Variants in PDS5A observed in about 807,000 individuals in gnomAD.
The protein encoded by PDS5A is PDS5 cohesin associated factor A.
In PDS5A, 42 loss-of-function variants were observed where a neutral mutation model predicts 167.1. The ratio of observed to expected loss-of-function variants is 0.25; its 90% CI spans 0.20 to 0.33. PDS5A has a LOEUF of 0.33. Among genes scored for constraint, PDS5A ranks in the 10% least tolerant of loss-of-function variants. The pLI, the probability that PDS5A is intolerant of heterozygous loss-of-function variation, is 1.00. For synonymous variants in PDS5A, 553 were observed against 554.6 expected (o/e 1.00, Z 0.04); for missense variants, 1,033 against 1,605.9 (o/e 0.64, Z 6.10).
chr4:39,890,210 T>G, intron 17 of PDS5A, 39 bp downstream of exon 17: 1 of 1,074,960 alleles, frequency 9.3e-7, no homozygotes. Flanking sequence ...TCGTTGCAGA[T>G]TATTATTTAT....
At chr4:39,890,673 G>A (rs577149552) in intron 16 of PDS5A, among the ~76,000 whole-genome samples, 2 of 152,262 alleles carry the variant, frequency 1.3e-5, no homozygotes, top group Non-Finnish European at 2.9e-5. Context: ...CTACAGTGCA[G>A]TGGCACGATC....
intron 2 of PDS5A, among the ~76,000 whole-genome samples, chr4:39,958,843 A>T (rs539119014): frequency 6.6e-6 from 1 of 152,248 alleles, no homozygotes; most frequent in African/African-American, 2.4e-5. Context: ...TCCTGGCCTC[A>T]AGTGATCCAC....
At position 39,869,383 on chromosome 4, in the gene PDS5A, A is replaced by G. The variant is rs1719826964; in HGVS notation, c.2505+11T>C. 1.3e-6 allele frequency: 2 copies of G among 1,541,920 alleles called. No homozygotes were observed. The highest frequency in any genetic ancestry group is 2.7e-5 in the African/African-American group (2 of 73,364). On this transcript the variant is annotated intron_variant, in intron 22 of 32. Transcript: ENST00000303538. The stretch of plus-strand genomic sequence containing the variant: ...TAAACATGAAGATTATCAAGGCCTA[A>G]ACAAATTTACCTTTGCTAGTACTTC...
At chr4:39,930,246 A>AAAAAAAAAAAAATTTTT in intron 2 of PDS5A, among the ~76,000 whole-genome samples, 5 of 93,164 alleles carry the variant, frequency 5.4e-5, no homozygotes, top group East Asian at 4.9e-4. Context: ...AAAAAAAAAA[A>AAAAAAAAAAAAATTTTT]GTTTTTTTGT....
At chr4:39,885,319 A>AT (rs1244691038) in intron 17 of PDS5A, among the ~76,000 whole-genome samples, 1 of 147,016 alleles carries the variant, frequency 6.8e-6, no homozygotes, top group Non-Finnish European at 1.5e-5. Context: ...GAGAAAAAAA[A>AT]CTTCGGCATG....
chr4:39,943,677 C>T (rs997886146), intron 2 of PDS5A, among the ~76,000 whole-genome samples: 8 of 150,812 alleles, frequency 5.3e-5, no homozygotes, highest in African/African-American at 1.7e-4. Flanking sequence ...TGTGGTGGTG[C>T]GCACTTGTAA....
intron 8 of PDS5A, among the ~76,000 whole-genome samples, chr4:39,915,374 G>C (rs1724277603): frequency 8.2e-6 from 1 of 121,684 alleles, no homozygotes; most frequent in Non-Finnish European, 1.6e-5. Flanking sequence ...TTTTGGGTGA[G>C]ACAAGGTCTG....
chr4:39,957,721 A>G (rs1484920549), intron 2 of PDS5A, among the ~76,000 whole-genome samples: 3 of 143,084 alleles, frequency 2.1e-5, no homozygotes, highest in African/African-American at 7.8e-5. Context: ...GGCTAGGCAG[A>G]GCTTGCAGTG....
intron 5 of PDS5A, among the ~76,000 whole-genome samples, chr4:39,923,922 G>GA (rs1725241335): frequency 6.6e-6 from 1 of 151,982 alleles, no homozygotes; most frequent in South Asian, 2.1e-4. Flanking sequence ...CACCAATACT[G>GA]AAAATCAAAA....
rs762058912 is a variant in PDS5A at position 39,837,922 on chromosome 4, T to C, written c.3944A>G (p.Lys1315Arg). ...GGCTAAATCTTGCAGTTTGGGTGCT[T>C]TGGCATTACCTGCTTCCAAACCCCC... ...SPGGLEAGNA[K>R]APKLQDLAKK... The change falls in exon 32 of 33, where the codon AAA becomes AGA. Residue 1315 changes from lysine (K) to arginine (R), a missense_variant. By Grantham distance (26) the Lys-to-Arg change is conservative (BLOSUM62 2). Transcript: ENST00000303538. The C allele has an allele frequency of 1.2e-6, 2 of 1,613,934 alleles. No homozygotes were observed. Among genetic ancestry groups the C allele is most frequent in the East Asian group, 2.2e-5 (1 of 44,882 alleles).
chr4:39,920,308 G>C lies in PDS5A; in HGVS notation c.735+11C>G. The C allele has an allele frequency of 8.3e-7, 1 of 1,204,686 alleles. No individual in the cohort carries two copies. Among genetic ancestry groups the C allele is most frequent in the Non-Finnish European group, 1.2e-6 (1 of 834,696 alleles). The allele number at this position is 1,204,686 out of a possible 1,614,324, so 74.6% of individuals were successfully genotyped here. The stretch of plus-strand genomic sequence containing the variant: ...ACAAAATATAGAATAAACATAGAAA[G>C]AAATACATACATTAGCAATGCATGC... On this transcript the variant is annotated intron_variant, in intron 7 of 32. Coordinates refer to ENST00000303538, the MANE Select transcript of PDS5A (RefSeq NM_001100399.2).
chr4:39,891,261 G>A (rs976015042), intron 16 of PDS5A, among the ~76,000 whole-genome samples: 24 of 150,466 alleles, frequency 1.6e-4, no homozygotes, highest in Non-Finnish European at 3.1e-4. Context: ...TCGAACTCCC[G>A]AACTCAGGTG....
At chr4:39,916,187 G>A (rs967190035) in intron 8 of PDS5A, among the ~76,000 whole-genome samples, 2 of 121,662 alleles carry the variant, frequency 1.6e-5, no homozygotes, top group East Asian at 4.8e-4. Flanking sequence ...GCAAGACTCC[G>A]TCTCAAAAAA....
intron 18 of PDS5A, among the ~76,000 whole-genome samples, chr4:39,878,013 G>A (rs1378918613): frequency 2.6e-5 from 4 of 152,090 alleles, no homozygotes; most frequent in Admixed American, 6.6e-5. Context: ...ACACCAGCAC[G>A]AGCCTGTCCT....
In PDS5A at chr4:39,945,976, A is replaced by AG. The variant is rs202229395; in HGVS notation, c.139-17813dup. 5.9e-3 allele frequency among the ~76,000 whole-genome samples: 889 copies of AG among 151,614 alleles called. 32 individuals are homozygous for AG. The East Asian group carries it at 0.084, about 14-fold the overall frequency. ...TAGCACTTTGGGAGGCCGTGGAGGG[A>AG]GGGGGGGATCACTTGAGGTCAGGAG... On this transcript the variant is annotated intron_variant, in intron 2 of 32. Coordinates refer to ENST00000303538, the MANE Select transcript of PDS5A (RefSeq NM_001100399.2).
intron 17 of PDS5A, among the ~76,000 whole-genome samples, chr4:39,888,023 G>A (rs916631632): frequency 6.6e-6 from 1 of 152,006 alleles, no homozygotes; most frequent in Non-Finnish European, 1.5e-5. Flanking sequence ...AGGCTGAGGC[G>A]GGCAGATCAC....
At chr4:39,844,251 G>C (rs952778578) in intron 30 of PDS5A, among the ~76,000 whole-genome samples, 1 of 152,108 alleles carries the variant, frequency 6.6e-6, no homozygotes, top group Non-Finnish European at 1.5e-5. Flanking sequence ...GAGGCAGGCG[G>C]ATCACCTCAG....
chr4:39,950,767 T>A (rs991646012), intron 2 of PDS5A, among the ~76,000 whole-genome samples: 3 of 151,782 alleles, frequency 2.0e-5, no homozygotes, highest in African/African-American at 7.3e-5. Flanking sequence ...TTTGTATTTT[T>A]AGTAGAGACA....
intron 26 of PDS5A, 85 bp from the exon 27 acceptor site, chr4:39,849,737 G>T: frequency 1.2e-6 from 1 of 805,306 alleles, no homozygotes; most frequent in Non-Finnish European, 2.0e-6. Context: ...AATTTCTGTT[G>T]TCTGAATAAA....
Sources: allele counts gnomAD v4.1 joint callset (sites outside exome capture counted in the v4.1 genomes callset), GRCh38; gene constraint gnomAD v4.1.1; transcripts MANE v1.5; gene names NCBI Gene and HGNC (gene_info 2026-07-23, HGNC 2026-07-21).